The following FAM53B variants were observed in gnomAD, a reference collection of about 807,000 sequenced individuals.
FAM53B encodes protein FAM53B.
FAM53B carries 12 observed loss-of-function variants against 32.7 expected under a neutral mutation model. The ratio of observed to expected loss-of-function variants is 0.37; its 90% CI spans 0.24 to 0.59. The LOEUF is 0.59. FAM53B is among the 20% of genes least tolerant of loss of function. The pLI, the probability that FAM53B is intolerant of heterozygous loss-of-function variation, is 0.72. For synonymous variants in FAM53B, 234 were observed against 228.7 expected (o/e 1.02, Z -0.21); for missense variants, 477 against 577.7 (o/e 0.83, Z 1.79).
chr10:124,628,219 GA>G (rs1469407111), intron 4 of FAM53B, among the ~76,000 whole-genome samples: 1 of 152,140 alleles, frequency 6.6e-6, no homozygotes, highest in Non-Finnish European at 1.5e-5. Flanking sequence ...AGTGGAGGGG[GA>G]AACAGCCCCA....
chr10:124,710,040 A>G (rs1440701172), intron 1 of FAM53B, among the ~76,000 whole-genome samples: 1 of 152,224 alleles, frequency 6.6e-6, no homozygotes, highest in Admixed American at 6.5e-5. Flanking sequence ...ACCCAGGCAG[A>G]GGGAAGGGTG....
chr10:124,649,665 T>A (rs891199392), intron 4 of FAM53B, among the ~76,000 whole-genome samples: 7 of 152,208 alleles, frequency 4.6e-5, no homozygotes, highest in African/African-American at 1.7e-4. Flanking sequence ...TGTCCCCCTG[T>A]AAGATGGAGG....
intron 4 of FAM53B, among the ~76,000 whole-genome samples, chr10:124,644,328 G>C (rs1203559550): frequency 6.6e-6 from 1 of 152,232 alleles, no homozygotes; most frequent in Non-Finnish European, 1.5e-5. Flanking sequence ...AGCACTACCA[G>C]TGGCTACAGC....
intron 4 of FAM53B, among the ~76,000 whole-genome samples, chr10:124,666,608 C>T (rs1045808929): frequency 1.3e-5 from 2 of 152,222 alleles, no homozygotes; most frequent in Non-Finnish European, 2.9e-5. Context: ...TGAGAAGCCC[C>T]TGTCTTCCTG....
intron 4 of FAM53B, among the ~76,000 whole-genome samples, chr10:124,626,398 C>CT (rs923944906): frequency 6.8e-6 from 1 of 147,000 alleles, no homozygotes; most frequent in Admixed American, 6.7e-5. Context: ...GCCCCCCCCC[C>CT]CCCCACCATT....
intron 1 of FAM53B, among the ~76,000 whole-genome samples, chr10:124,724,553 C>T (rs141588695): frequency 0.012 from 1,887 of 152,220 alleles, 17 homozygotes; most frequent in Non-Finnish European, 0.016. Flanking sequence ...GCTATGGGGG[C>T]GGGGTAGGGG....
chr10:124,679,892 G>A (rs1201871948), intron 4 of FAM53B, among the ~76,000 whole-genome samples: 1 of 152,246 alleles, frequency 6.6e-6, no homozygotes, highest in Non-Finnish European at 1.5e-5. Flanking sequence ...TCCAACTGTG[G>A]CTAGTAAAAT....
intron 4 of FAM53B, chr10:124,667,331 G>A: frequency 1.4e-6 from 1 of 711,464 alleles, no homozygotes; most frequent in East Asian, 2.7e-5. Context: ...TATATATGTG[G>A]CTTGAGTTCT....
Position 124,681,980 on chromosome 10 carries a change from G to C in FAM53B, c.533C>G (p.Ser178Cys). 1 of 1,614,118 alleles carries C rather than the reference G, an allele frequency of 6.2e-7. No individual in the cohort carries two copies. The stretch of plus-strand genomic sequence containing the variant: ...GAGTCCTGCCTGGTCGCAGGGTGAG[G>C]AGAGCACGTTGGCCCGGGAAGGGAG... ...FSLPSRANVLSSPCDQAGLHH... is the reference protein window; with the variant it reads ...FSLPSRANVLCSPCDQAGLHH... Residue 178 changes from serine (S) to cysteine (C), a missense_variant, in exon 4 of 5, where the codon TCC becomes TGC. By Grantham distance (112) the Ser-to-Cys change is moderately radical (BLOSUM62 -1). Coordinates refer to ENST00000337318, the MANE Select transcript of FAM53B (RefSeq NM_014661.4).
rs183654851 is a variant in FAM53B, at chr10:124,635,164, C to T, written c.907-11560G>A. ...CTGGAGTGCAGTGGCATGATCTCGG[C>T]TCACTGCAACCTCTGCCTCCTGGGT... is the stretch of plus-strand genomic sequence containing the variant. On this transcript the variant is annotated intron_variant, in intron 4 of 4. Coordinates refer to ENST00000337318, the MANE Select transcript of FAM53B (RefSeq NM_014661.4). Among the ~76,000 whole-genome samples the T allele has an allele frequency of 9.1e-4, 139 of 152,284 alleles. 2 individuals are homozygous for T. In the Middle Eastern group the frequency reaches 0.017, roughly 19 times the overall value.
In FAM53B at chr10:124,682,418, A is replaced by C; in HGVS notation, c.134-39T>G. 6.5e-7 allele frequency: 1 copy of C among 1,542,582 alleles called. No homozygotes were observed. The highest frequency in any genetic ancestry group is 8.8e-7 in the Non-Finnish European group (1 of 1,139,072). On this transcript the variant is annotated intron_variant, in intron 3 of 4. Transcript: ENST00000337318. This position sits in a 1 kb window ranked among gnomAD's most constrained non-coding sequence, Gnocchi z 5.2. ...GACAAGGAGAAAACAGGATTTGAGAAGACCTTCACTCCAGCCCTTTATTAT... is the reference window on the plus strand; with the variant it reads ...GACAAGGAGAAAACAGGATTTGAGACGACCTTCACTCCAGCCCTTTATTAT...
At chr10:124,735,490 T>C (rs941507893) in intron 1 of FAM53B, among the ~76,000 whole-genome samples, 29 of 152,216 alleles carry the variant, frequency 1.9e-4, no homozygotes, top group Non-Finnish European at 4.4e-5. Flanking sequence ...AAAAAAACCC[T>C]ACGCTATCTG....
In FAM53B at chr10:124,620,364, A is replaced by ACCCC. The variant is rs1390136160; in HGVS notation, c.*2877_*2878insGGGG. 4.4e-5 allele frequency: 6 copies of ACCCC among 135,408 alleles called. No homozygotes were observed. The highest frequency in any genetic ancestry group is 2.7e-4 in the South Asian group (1 of 3,712). 8.4% of individuals were successfully genotyped at this position (135,408 alleles called of 1,614,324 possible). A position where few individuals can be genotyped will look rare whatever the true frequency, so the allele number is the denominator to read the frequency against. On this transcript the variant is annotated 3_prime_UTR_variant, in exon 5 of 5. Transcript: ENST00000337318. ...GTGCATGTGGCACTAAGCCCCCCCC[A>ACCCC]CCGCCCCGGCTTTCCTGCAGGCTTA...
chr10:124,642,449 T>G (rs1295427587), intron 4 of FAM53B, among the ~76,000 whole-genome samples: 1 of 152,206 alleles, frequency 6.6e-6, no homozygotes, highest in Non-Finnish European at 1.5e-5. Context: ...CAGCCCGGCA[T>G]AGCCCAGATG....
chr10:124,739,511 A>G (rs1449364674), intron 1 of FAM53B, among the ~76,000 whole-genome samples: 2 of 152,220 alleles, frequency 1.3e-5, no homozygotes, highest in Non-Finnish European at 2.9e-5. Context: ...AGAGAACAAA[A>G]AGAGTGAGTG....
chr10:124,707,482 A>T (rs113241842), intron 1 of FAM53B, among the ~76,000 whole-genome samples: 1,876 of 152,312 alleles, frequency 0.012, 17 homozygotes, highest in Non-Finnish European at 0.02. Flanking sequence ...TCATGCCTGT[A>T]ATCCCAGCAC....
chr10:124,640,807 T>G (rs369244877), intron 4 of FAM53B, among the ~76,000 whole-genome samples: 1 of 151,974 alleles, frequency 6.6e-6, no homozygotes, highest in African/African-American at 2.4e-5. Context: ...CTGACCACCA[T>G]GCAATACAGC....
At chr10:124,668,113 G>A (rs1016490133) in intron 4 of FAM53B, among the ~76,000 whole-genome samples, 21 of 152,232 alleles carry the variant, frequency 1.4e-4, no homozygotes, top group Admixed American at 1.2e-3. Context: ...ATATTTGTTC[G>A]TAGTTTTCCC....
chr10:124,734,952 C>A (rs1283161178), intron 1 of FAM53B, among the ~76,000 whole-genome samples: 1 of 152,240 alleles, frequency 6.6e-6, no homozygotes, highest in Non-Finnish European at 1.5e-5. Context: ...AAAGCTTCAG[C>A]AAGCTTAGAT....
Sources: gnomAD v4.1 joint callset for allele counts (sites outside exome capture counted in the v4.1 genomes callset) on GRCh38, gnomAD v4.1.1 for gene constraint, Gnocchi (gnomAD v3.1) non-coding constraint, MANE v1.5 for transcripts, NCBI Gene and HGNC (gene_info 2026-07-23, HGNC 2026-07-21) for gene names.